The following TRPM8 variants were observed in gnomAD, a reference collection of about 807,000 sequenced individuals.
The protein encoded by TRPM8 is TRPM8 cationic channel.
A neutral mutation model predicts 133.7 loss-of-function variants in TRPM8; 110 were observed. The ratio of observed to expected loss-of-function variants is 0.82; its 90% CI spans 0.70 to 0.96. TRPM8 has a LOEUF of 0.96. TRPM8 is among the 40% of genes least tolerant of loss of function. TRPM8 has a pLI of 0.00. For missense variants in TRPM8, 1,291 were observed against 1,379.5 expected (o/e 0.94, Z 1.02); for synonymous variants, 535 against 532.3 (o/e 1.01, Z -0.07).
At chr2:234,009,121 C>T (rs1692768330) in intron 24 of TRPM8, among the ~76,000 whole-genome samples, 1 of 152,116 alleles carries the variant, frequency 6.6e-6, no homozygotes. Context: ...CAAGGGAAGG[C>T]TCGGGGAGTT....
chr2:234,005,974 T>A (rs1574787837), intron 22 of TRPM8, among the ~76,000 whole-genome samples: 1 of 121,438 alleles, frequency 8.2e-6, no homozygotes, highest in African/African-American at 3.6e-5. Flanking sequence ...ACACAGAATT[T>A]GCTTAAATCC....
intron 22 of TRPM8, among the ~76,000 whole-genome samples, chr2:234,005,232 C>T (rs759455276): frequency 2.6e-5 from 4 of 152,124 alleles, no homozygotes; most frequent in Admixed American, 1.3e-4. Flanking sequence ...TTTGCCCCCT[C>T]GTATGGGAGA....
intron 22 of TRPM8, among the ~76,000 whole-genome samples, chr2:234,005,441 C>A (rs984031581): frequency 8.5e-5 from 13 of 152,098 alleles, no homozygotes; most frequent in Non-Finnish European, 1.9e-4. Flanking sequence ...GGAGTGTCTA[C>A]CCTTTCCATG....
intron 1 of TRPM8, among the ~76,000 whole-genome samples, chr2:233,925,889 G>A (rs1165423085): frequency 1.3e-5 from 2 of 151,988 alleles, no homozygotes; most frequent in East Asian, 3.9e-4. Flanking sequence ...ATATTAGAGT[G>A]AGAAAAACAG....
At chr2:234,017,029 C>A (rs1330310291) in intron 25 of TRPM8, among the ~76,000 whole-genome samples, 1 of 152,034 alleles carries the variant, frequency 6.6e-6, no homozygotes, top group East Asian at 1.9e-4. Flanking sequence ...GGGTTTTAAC[C>A]TAGATTGAAT....
At chr2:234,014,438 A>G in intron 24 of TRPM8, 124 bp from the exon 25 acceptor site, 1 of 506,818 alleles carries the variant, frequency 2.0e-6, no homozygotes, top group East Asian at 3.6e-5. Flanking sequence ...GCCTTATTTT[A>G]GATGTGCCAT....
intron 14 of TRPM8, among the ~76,000 whole-genome samples, chr2:233,966,388 C>T (rs539021574): frequency 1.3e-5 from 2 of 152,306 alleles, no homozygotes; most frequent in Admixed American, 6.5e-5. Flanking sequence ...CAGTTATTGT[C>T]ACCTGCTGCC....
intron 4 of TRPM8, among the ~76,000 whole-genome samples, chr2:233,938,134 C>T (rs555183624): frequency 2.0e-5 from 3 of 152,254 alleles, no homozygotes; most frequent in South Asian, 2.1e-4. Flanking sequence ...TGGAATGGGC[C>T]GGCACACTCT....
intron 21 of TRPM8, among the ~76,000 whole-genome samples, chr2:233,988,258 G>A (rs988390836): frequency 2.0e-5 from 3 of 151,802 alleles, no homozygotes; most frequent in Non-Finnish European, 2.9e-5. Flanking sequence ...GTTCCATCCC[G>A]AACTTCTCTT....
rs1693003187 is a variant in TRPM8 at position 234,018,186 on chromosome 2, T to C, written c.*930T>C. 1 of 152,186 alleles carries C rather than the reference T, an allele frequency of 6.6e-6. No homozygotes were observed. Among genetic ancestry groups the C allele is most frequent in the Non-Finnish European group, 1.5e-5 (1 of 68,034 alleles). The allele number at this position is 152,186 out of a possible 1,614,324, so 9.4% of individuals were successfully genotyped here. ...ACAGAATGTTATCATACTACATATATACTTTTTATGTAAGCTTTTTCACTT... is the reference window on the plus strand; with the variant it reads ...ACAGAATGTTATCATACTACATATACACTTTTTATGTAAGCTTTTTCACTT... On this transcript the variant is annotated 3_prime_UTR_variant, in exon 26 of 26. Transcript: ENST00000324695.
chr2:233,980,946 A>G (rs1691991858), intron 18 of TRPM8, among the ~76,000 whole-genome samples: 1 of 152,166 alleles, frequency 6.6e-6, no homozygotes, highest in African/African-American at 2.4e-5. Context: ...ATGGTGGCTC[A>G]CACCTGTAAT....
In TRPM8 at chr2:233,947,092, C is replaced by T; in HGVS notation, c.879C>T (p.Ser293=). 6.2e-7 allele frequency: 1 copy of T among 1,613,912 alleles called. No homozygotes were observed. The highest frequency in any genetic ancestry group is 8.5e-7 in the Non-Finnish European group (1 of 1,179,860). The change falls in exon 8 of 26, where the codon TCC becomes TCT. Residue 293 remains serine (S), a synonymous_variant. Coordinates refer to ENST00000324695, the MANE Select transcript of TRPM8 (RefSeq NM_024080.5). ...KYISERTIQD[S]NYGGKIPIVC... ...TTTACTTTTTATATTTTACAGATTC[C>T]AACTATGGTGGCAAGATCCCCATTG...
At chr2:233,958,619 A>G (rs1032350146) in intron 11 of TRPM8, among the ~76,000 whole-genome samples, 1 of 152,210 alleles carries the variant, frequency 6.6e-6, no homozygotes, top group Non-Finnish European at 1.5e-5. Context: ...TAGAAAGAAA[A>G]GGGAAATGCT....
rs1235983967 is a variant in TRPM8, at chr2:233,980,273, T to TA, written c.2442dup (p.Phe815IlefsTer7). 6.9e-6 allele frequency: 11 copies of TA among 1,592,890 alleles called. No homozygotes were observed. Among genetic ancestry groups the TA allele is most frequent in the Non-Finnish European group, 9.4e-6 (11 of 1,172,636 alleles). ...CTTTTTTACTTCATAGCAGGAATTGTATTTCGGTAAGTAGTCTCATCACTT... is the reference window on the plus strand; with the variant it reads ...CTTTTTTACTTCATAGCAGGAATTGTAATTTCGGTAAGTAGTCTCATCACTT... On this transcript the variant is annotated frameshift_variant, in exon 18 of 26. Transcript: ENST00000324695. LOFTEE classifies it high-confidence loss of function.
At chr2:233,983,821 A>G (rs1339382491) in intron 20 of TRPM8, among the ~76,000 whole-genome samples, 2 of 152,140 alleles carry the variant, frequency 1.3e-5, no homozygotes, top group African/African-American at 4.8e-5. Context: ...CTACCCTACC[A>G]CGATAAAACC....
In TRPM8 at chr2:233,940,228, C is replaced by T. The variant is rs191998290; in HGVS notation, c.526+1053C>T. Reference sequence around the variant, plus strand: ...CTTAACATTTAAAAAACTTCTTTTACGCAGAATTAATATTGACCGGTAGAA... The same window carrying T: ...CTTAACATTTAAAAAACTTCTTTTATGCAGAATTAATATTGACCGGTAGAA... On this transcript the variant is annotated intron_variant, in intron 5 of 25. Coordinates refer to ENST00000324695, the MANE Select transcript of TRPM8 (RefSeq NM_024080.5). 3.0e-3 allele frequency among the ~76,000 whole-genome samples: 452 copies of T among 151,456 alleles called. 3 individuals are homozygous for T. Among genetic ancestry groups the T allele is most frequent in the Non-Finnish European group, 4.3e-3 (291 of 67,938 alleles).
At chr2:233,927,555 G>GA (rs1236233184) in intron 2 of TRPM8, among the ~76,000 whole-genome samples, 3 of 152,098 alleles carry the variant, frequency 2.0e-5, no homozygotes, top group African/African-American at 7.2e-5. Flanking sequence ...GGCCACAGGA[G>GA]AAGCAAACAG....
chr2:233,996,663 C>A, intron 22 of TRPM8, 147 bp downstream of exon 22: 1 of 746,548 alleles, frequency 1.3e-6, no homozygotes, highest in Non-Finnish European at 2.2e-6. Flanking sequence ...GGCCTCAGGC[C>A]AACCAATGAA....
rs140430205 is a variant in TRPM8 at position 233,937,983 on chromosome 2, C to T, written c.348+474C>T. Among the ~76,000 whole-genome samples the T allele has an allele frequency of 5.4e-3, 824 of 152,318 alleles. 6 individuals carry two copies. The highest frequency in any genetic ancestry group is 0.018 in the African/African-American group (758 of 41,562). On this transcript the variant is annotated intron_variant, in intron 4 of 25. Coordinates refer to ENST00000324695, the MANE Select transcript of TRPM8 (RefSeq NM_024080.5). ...CGTGCTCCCAGTCTCAATGAGAGCA[C>T]CGTCCACAGGCTGTTCCTGCAGGGC...
Sources: allele counts gnomAD v4.1 joint callset (sites outside exome capture counted in the v4.1 genomes callset), GRCh38; gene constraint gnomAD v4.1.1; transcripts MANE v1.5; gene names NCBI Gene and HGNC (gene_info 2026-07-23, HGNC 2026-07-21).